CALN1: variants seen among roughly 807,000 people sequenced by gnomAD.
CALN1 encodes the protein calcium-binding protein 8.
Under a neutral mutation model 30.6 loss-of-function variants are expected in CALN1, and 17 were observed. The observed-to-expected ratio is 0.56, with a 90% CI of 0.38 to 0.83. The LOEUF is 0.83. Ranked by LOEUF, CALN1 falls within the 40% of genes least tolerant of loss-of-function variation. The pLI is 0.00. For synonymous variants in CALN1, 156 were observed against 131.4 expected (o/e 1.19, Z -1.28); for missense variants, 291 against 354.9 (o/e 0.82, Z 1.45).
At chr7:71,952,826 C>T (rs1796764307) in intron 5 of CALN1, among the ~76,000 whole-genome samples, 1 of 152,184 alleles carries the variant, frequency 6.6e-6, no homozygotes. Context: ...CCTTCACATT[C>T]AAAGCTCATC....
chr7:72,131,749 G>A (rs1809162840), intron 3 of CALN1, among the ~76,000 whole-genome samples: 1 of 152,154 alleles, frequency 6.6e-6, no homozygotes, highest in South Asian at 2.1e-4. Flanking sequence ...TGACTCTTCA[G>A]CATTTCTCTG....
At chr7:72,087,305 G>A (rs970540684) in intron 4 of CALN1, among the ~76,000 whole-genome samples, 6 of 152,132 alleles carry the variant, frequency 3.9e-5, no homozygotes, top group Admixed American at 1.3e-4. Flanking sequence ...AGGCCAAGGC[G>A]GGTGGATCAC....
At chr7:72,098,240 G>A (rs952720072) in intron 4 of CALN1, among the ~76,000 whole-genome samples, 1 of 152,168 alleles carries the variant, frequency 6.6e-6, no homozygotes, top group Non-Finnish European at 1.5e-5. Context: ...CCCAACTGGT[G>A]CTTGGTAAAA....
At chr7:72,233,736 G>A (rs1385188949) in intron 3 of CALN1, among the ~76,000 whole-genome samples, 3 of 152,056 alleles carry the variant, frequency 2.0e-5, no homozygotes, top group Non-Finnish European at 4.4e-5. Context: ...AGGCATGCTG[G>A]CTCACATCTG....
chr7:72,027,983 C>T (rs372572891), intron 4 of CALN1, among the ~76,000 whole-genome samples: 1,786 of 143,594 alleles, frequency 0.012, 82 homozygotes, highest in Admixed American at 0.093. Context: ...GGCGTGAACC[C>T]GGGAGGCGGA....
intron 2 of CALN1, among the ~76,000 whole-genome samples, chr7:72,335,189 C>T (rs1390067685): frequency 6.6e-6 from 1 of 152,158 alleles, no homozygotes; most frequent in Admixed American, 6.5e-5. Flanking sequence ...AATAAAACCA[C>T]GAACAAGCCA....
At chr7:72,375,425 T>C (rs1291891966) in intron 2 of CALN1, among the ~76,000 whole-genome samples, 2 of 151,746 alleles carry the variant, frequency 1.3e-5, no homozygotes, top group Non-Finnish European at 2.9e-5. Flanking sequence ...ATTAGTCAAG[T>C]GTGGTGGTGC....
At chr7:71,912,169 A>T (rs1437551357) in intron 5 of CALN1, among the ~76,000 whole-genome samples, 1 of 152,108 alleles carries the variant, frequency 6.6e-6, no homozygotes, top group Admixed American at 6.6e-5. Flanking sequence ...GGATGAGAAG[A>T]GAAAGGCTTA....
intron 3 of CALN1, among the ~76,000 whole-genome samples, chr7:72,269,148 T>C (rs1187066900): frequency 2.6e-5 from 4 of 152,158 alleles, no homozygotes; most frequent in Non-Finnish European, 5.9e-5. Flanking sequence ...CAGAAGCCCA[T>C]GTGTGGGTTC....
At chr7:72,389,927 TA>T (rs35329864) in intron 2 of CALN1, among the ~76,000 whole-genome samples, 57,122 of 138,672 alleles carry the variant, frequency 0.41, 13,208 homozygotes, top group Middle Eastern at 0.57. Context: ...AAACCCCATC[TA>T]AAAAAAAAAA....
At chr7:72,105,089 T>A (rs1806988262) in intron 4 of CALN1, among the ~76,000 whole-genome samples, 1 of 151,636 alleles carries the variant, frequency 6.6e-6, no homozygotes, top group South Asian at 2.1e-4. Flanking sequence ...CTGTGTTAGT[T>A]TGCCGAGGAT....
chr7:72,224,062 C>T (rs1334041156), intron 3 of CALN1, among the ~76,000 whole-genome samples: 1 of 152,092 alleles, frequency 6.6e-6, no homozygotes, highest in African/African-American at 2.4e-5. Context: ...TGCTCATTAC[C>T]TGGGTGACAG....
intron 5 of CALN1, among the ~76,000 whole-genome samples, chr7:71,885,444 C>T (rs1328954042): frequency 1.3e-5 from 2 of 152,150 alleles, no homozygotes; most frequent in Admixed American, 6.6e-5. Flanking sequence ...GAGCCACCGC[C>T]CCCAGCCGCC....
chr7:71,917,993 G>A (rs754795561), intron 5 of CALN1, among the ~76,000 whole-genome samples: 2 of 152,102 alleles, frequency 1.3e-5, no homozygotes, highest in Non-Finnish European at 2.9e-5. Context: ...GTTTAGGGTC[G>A]ATGGCATGCA....
At chr7:72,179,899 A>G (rs1028631784) in intron 3 of CALN1, among the ~76,000 whole-genome samples, 1 of 152,338 alleles carries the variant, frequency 6.6e-6, no homozygotes, top group Admixed American at 6.5e-5. Context: ...CTTATTAACA[A>G]AAGACATAAT....
intron 2 of CALN1, among the ~76,000 whole-genome samples, chr7:72,380,703 G>A (rs939654693): frequency 3.6e-5 from 5 of 138,492 alleles, no homozygotes; most frequent in African/African-American, 1.3e-4. Flanking sequence ...ACATACATTA[G>A]ATTAGATAGA....
chr7:71,932,950 A>T (rs779796610), intron 5 of CALN1, among the ~76,000 whole-genome samples: 4 of 152,084 alleles, frequency 2.6e-5, no homozygotes, highest in Non-Finnish European at 5.9e-5. Context: ...ACATTGATGT[A>T]GGAGTTAAGA....
chr7:72,065,253 T>C (rs752197244), intron 4 of CALN1, among the ~76,000 whole-genome samples: 1 of 151,948 alleles, frequency 6.6e-6, no homozygotes, highest in Non-Finnish European at 1.5e-5. Context: ...TGGCCAGCAA[T>C]CTCAACTATT....
At chr7:72,313,509 C>T (rs1003924408) in intron 2 of CALN1, among the ~76,000 whole-genome samples, 1 of 152,148 alleles carries the variant, frequency 6.6e-6, no homozygotes, top group African/African-American at 2.4e-5. Flanking sequence ...GCTCCCAACT[C>T]AGCCTCCAGA....
Sources: gnomAD v4.1 joint callset for allele counts (sites outside exome capture counted in the v4.1 genomes callset) on GRCh38, gnomAD v4.1.1 for gene constraint, MANE v1.5 for transcripts, NCBI Gene and HGNC (gene_info 2026-07-23, HGNC 2026-07-21) for gene names.